Variants in CDCA5 observed in about 807,000 individuals in gnomAD.
CDCA5 encodes cell division cycle associated 5.
A neutral mutation model predicts 25.7 loss-of-function variants in CDCA5; 14 were observed. The observed-to-expected ratio is 0.54, with a 90% CI of 0.36 to 0.85. The LOEUF (loss-of-function observed/expected upper bound fraction) is 0.85. Ranked by LOEUF, CDCA5 falls within the 40% of genes least tolerant of loss-of-function variation. The pLI, the probability that CDCA5 is intolerant of heterozygous loss-of-function variation, is 0.01. For synonymous variants in CDCA5, 127 were observed against 128.7 expected (o/e 0.99, Z 0.09); for missense variants, 307 against 324.5 (o/e 0.95, Z 0.41).
downstream of CDCA5, among the ~76,000 whole-genome samples, chr11:65,064,537 T>C (rs72932814): frequency 0.024 from 3,678 of 152,312 alleles, 73 homozygotes; most frequent in Non-Finnish European, 0.038. Context: ...GGGTAATTGA[T>C]TTAGCTGTTG....
chr11:65,068,667 G>A, intron 1 of CDCA5: 3 of 1,066,076 alleles, frequency 2.8e-6, no homozygotes, highest in Non-Finnish European at 3.8e-6. Flanking sequence ...TTCTAGCCTG[G>A]TCTGGTTTTT....
At position 65,077,488 on chromosome 11, in the gene CDCA5, C is replaced by T; in HGVS notation, c.*1619G>A. On this transcript the variant is annotated 3_prime_UTR_variant, in exon 6 of 6. Coordinates refer to ENST00000275517, the MANE Select transcript of CDCA5 (RefSeq NM_080668.4). ...GAAACTCTTTAATCAGGCTTTTTTT[C>T]CAACTCTAAAACAAAATCCCATTTT... is the stretch of plus-strand genomic sequence containing the variant. 2.0e-6 allele frequency: 2 copies of T among 985,354 alleles called. No individual in the cohort carries two copies. The highest frequency in any genetic ancestry group is 2.4e-6 in the Non-Finnish European group (2 of 829,896). 61.0% of individuals were successfully genotyped at this position (985,354 alleles called of 1,614,324 possible).
In CDCA5 at chr11:65,079,114, A is replaced by T; in HGVS notation, c.752T>A (p.Val251Asp). The change falls in exon 6 of 6, where the codon GTT becomes GAT. Residue 251 changes from valine (V) to aspartate (D), a missense_variant. Coordinates refer to ENST00000275517, the MANE Select transcript of CDCA5 (RefSeq NM_080668.4). ...TGCACCCCCCACTGCATCTCATTCA[A>T]CCAGGAGATCAAACTGCTCAGCAGC... Reference protein sequence around the residue: ...FEAAEQFDLLVE With the variant: ...FEAAEQFDLLDE 1 of 1,518,516 alleles carries T rather than the reference A, an allele frequency of 6.6e-7. No individual in the cohort carries two copies. Among genetic ancestry groups the T allele is most frequent in the Non-Finnish European group, 8.8e-7 (1 of 1,136,088 alleles). 94.1% of individuals were successfully genotyped at this position (1,518,516 alleles called of 1,614,324 possible).
chr11:65,064,870 A>G (rs1330779918), downstream of CDCA5, among the ~76,000 whole-genome samples: 1 of 152,200 alleles, frequency 6.6e-6, no homozygotes, highest in Non-Finnish European at 1.5e-5. Context: ...ATAAAAATAA[A>G]ATGTAAAAAT....
chr11:65,074,394 T>A (rs535362265), downstream of CDCA5, among the ~76,000 whole-genome samples: 1 of 152,316 alleles, frequency 6.6e-6, no homozygotes, highest in South Asian at 2.1e-4. Context: ...TTTTTAAGGC[T>A]GAATAATATT....
At position 65,067,807 on chromosome 11, in the gene CDCA5, G is replaced by A; in HGVS notation, c.270-54C>T. ...CCAGAGGGTCTAGGGGATGAGGGAA[G>A]TGGGTGGGTGGTGTGGGGGTGCCCA... On this transcript the variant is annotated intron_variant, in intron 3 of 6. Transcript: ENST00000525464. The A allele has an allele frequency of 2.7e-6, 3 of 1,110,212 alleles. No homozygotes were observed. The South Asian group carries it at 3.9e-5, about 14-fold the overall frequency. The allele number at this position is 1,110,212 out of a possible 1,614,324, so 68.8% of individuals were successfully genotyped here.
chr11:65,073,589 G>T (rs746566423), downstream of CDCA5, among the ~76,000 whole-genome samples: 34 of 152,334 alleles, frequency 2.2e-4, no homozygotes, highest in Non-Finnish European at 2.5e-4. Context: ...CCTGCGGTGG[G>T]TCTGTGGGCT....
chr11:65,069,953 C>T (rs948207531), intron 1 of CDCA5, among the ~76,000 whole-genome samples: 5 of 152,228 alleles, frequency 3.3e-5, no homozygotes, highest in Non-Finnish European at 7.3e-5. Context: ...GGGGATGAGC[C>T]ACACAGAGGT....
rs1482224331 is a variant in CDCA5, at chr11:65,077,737, A to C, written c.*1370T>G. ...TCTGACAAACCACAGAGCGTTGAGC[A>C]GATGGCCTGGGACTCCCAGACCTGG... On this transcript the variant is annotated 3_prime_UTR_variant, in exon 6 of 6. Coordinates refer to ENST00000275517, the MANE Select transcript of CDCA5 (RefSeq NM_080668.4). 2.0e-6 allele frequency: 2 copies of C among 985,528 alleles called. No individual in the cohort carries two copies. Among genetic ancestry groups the C allele is most frequent in the Non-Finnish European group, 2.4e-6 (2 of 830,050 alleles). 61.0% of individuals were successfully genotyped at this position (985,528 alleles called of 1,614,324 possible). A position where few individuals can be genotyped will look rare whatever the true frequency, so the allele number is the denominator to read the frequency against.
intron 4 of CDCA5, among the ~76,000 whole-genome samples, chr11:65,080,549 A>G (rs149742225): frequency 1.3e-5 from 2 of 152,250 alleles, no homozygotes; most frequent in African/African-American, 4.8e-5. Flanking sequence ...AGTAGCCGGG[A>G]CTACAGGCAT....
At position 65,078,133 on chromosome 11, in the gene CDCA5, T is replaced by C; in HGVS notation, c.*974A>G. The C allele has an allele frequency of 1.0e-6, 1 of 985,134 alleles. No individual in the cohort carries two copies. Among genetic ancestry groups the C allele is most frequent in the Non-Finnish European group, 1.2e-6 (1 of 829,870 alleles). The allele number at this position is 985,134 out of a possible 1,614,324, so 61.0% of individuals were successfully genotyped here. On this transcript the variant is annotated 3_prime_UTR_variant, in exon 6 of 6. Transcript: ENST00000275517. ...TACGCGAGGAAACTTTCCGAGGACT[T>C]TACAAGCATAGTTGCAAAATGCTAG...
chr11:65,081,702 A>G (rs1281750560), intron 4 of CDCA5, among the ~76,000 whole-genome samples: 1 of 152,200 alleles, frequency 6.6e-6, no homozygotes, highest in African/African-American at 2.4e-5. Context: ...ACAGTGGCTC[A>G]TGCCTGTAAT....
intron 1 of CDCA5, among the ~76,000 whole-genome samples, chr11:65,070,719 T>C (rs554081818): frequency 1.1e-4 from 17 of 152,260 alleles, no homozygotes; most frequent in African/African-American, 3.4e-4. Flanking sequence ...TGGGCTCAAG[T>C]GATTCTCCTG....
chr11:65,067,875 C>CT, intron 3 of CDCA5: 2 of 844,330 alleles, frequency 2.4e-6, no homozygotes, highest in Non-Finnish European at 3.4e-6. Flanking sequence ...GGCCTCCTCT[C>CT]TGCACGGGCC....
At chr11:65,070,574 C>T (rs1947320901) in intron 1 of CDCA5, among the ~76,000 whole-genome samples, 1 of 152,120 alleles carries the variant, frequency 6.6e-6, no homozygotes, top group Admixed American at 6.5e-5. Context: ...GCCTCGACTT[C>T]CCAGGCTCAG....
At chr11:65,083,878 G>C in intron 1 of CDCA5, 55 bp downstream of exon 1, 1 of 1,606,780 alleles carries the variant, frequency 6.2e-7, no homozygotes. Context: ...ATCTTTCACC[G>C]GACTGCGTCC....
At position 65,079,045 on chromosome 11, in the gene CDCA5, A is replaced by G; in HGVS notation, c.*62T>C. The G allele has an allele frequency of 6.9e-7, 1 of 1,454,428 alleles. No homozygotes were observed. The allele number at this position is 1,454,428 out of a possible 1,614,324, so 90.1% of individuals were successfully genotyped here. A position where few individuals can be genotyped will look rare whatever the true frequency, so the allele number is the denominator to read the frequency against. ...AGGGGACCCTAAGTGTCCTCTCCACAGGGAGGTGGCTATGTACAGGACAGG... is the reference window on the plus strand; with the variant it reads ...AGGGGACCCTAAGTGTCCTCTCCACGGGGAGGTGGCTATGTACAGGACAGG... On this transcript the variant is annotated 3_prime_UTR_variant, in exon 6 of 6. Coordinates refer to ENST00000275517, the MANE Select transcript of CDCA5 (RefSeq NM_080668.4).
At chr11:65,082,632 T>C (rs1012857042) in intron 4 of CDCA5, among the ~76,000 whole-genome samples, 1 of 151,902 alleles carries the variant, frequency 6.6e-6, no homozygotes, top group African/African-American at 2.4e-5. Flanking sequence ...CTGGCTAATT[T>C]TGTATTTTTA....
rs144361590 is a variant in CDCA5 at position 65,079,665 on chromosome 11, G to A, written c.366C>T (p.Ala122=). 124 of 1,603,102 alleles carry A rather than the reference G, an allele frequency of 7.7e-5. No individual in the cohort carries two copies. In the African/African-American group the frequency reaches 1.3e-3, roughly 17 times the overall value. ...PTSTPVPNPE[A]ESSSKEGELD... is the part of the protein sequence containing the mutation. ...GCTCTCCTTCCTTGGAGCTGGACTCGGCCTCAGGGTTCGGCACAGGAGTGC... is the reference window on the plus strand; with the variant it reads ...GCTCTCCTTCCTTGGAGCTGGACTCAGCCTCAGGGTTCGGCACAGGAGTGC... The change falls in exon 5 of 6, where the codon GCC becomes GCT. Residue 122 remains alanine (A), a synonymous_variant. Transcript: ENST00000275517.
Sources: allele counts gnomAD v4.1 joint callset (sites outside exome capture counted in the v4.1 genomes callset), GRCh38; gene constraint gnomAD v4.1.1; transcripts MANE v1.5; gene names NCBI Gene and HGNC (gene_info 2026-07-23, HGNC 2026-07-21).